Variants in CDK14 observed in about 807,000 individuals in gnomAD.
CDK14 encodes the protein cyclin-dependent kinase 14.
Under a neutral mutation model 60.7 loss-of-function variants are expected in CDK14, and 34 were observed. The ratio of observed to expected loss-of-function variants is 0.56; its 90% CI spans 0.43 to 0.75. The LOEUF is 0.75. Among genes scored for constraint, CDK14 ranks in the 30% least tolerant of loss-of-function variants. The pLI is 0.00. For missense variants in CDK14, 482 were observed against 564.1 expected (o/e 0.85, Z 1.47); for synonymous variants, 197 against 203.7 (o/e 0.97, Z 0.28).
intron 7 of CDK14, among the ~76,000 whole-genome samples, chr7:90,914,070 T>TAAA (rs1204060113): frequency 6.6e-6 from 1 of 152,178 alleles, no homozygotes; most frequent in Non-Finnish European, 1.5e-5. Context: ...TTGGTAGGTT[T>TAAA]ACAGCTTCAT....
At chr7:90,986,609 A>C (rs1357209992) in intron 10 of CDK14, among the ~76,000 whole-genome samples, 2 of 151,994 alleles carry the variant, frequency 1.3e-5, no homozygotes, top group Non-Finnish European at 2.9e-5. Flanking sequence ...ATTTTAAATA[A>C]CTTTTTCACA....
At chr7:90,718,289 A>C (rs1014442945) in intron 2 of CDK14, among the ~76,000 whole-genome samples, 1 of 152,122 alleles carries the variant, frequency 6.6e-6, no homozygotes, top group Admixed American at 6.6e-5. Flanking sequence ...AAGTGTATAC[A>C]TGGTATGTAC....
At chr7:90,808,106 T>C (rs1027049796) in intron 5 of CDK14, among the ~76,000 whole-genome samples, 1 of 152,012 alleles carries the variant, frequency 6.6e-6, no homozygotes, top group African/African-American at 2.4e-5. Context: ...ATTCAGGAAA[T>C]ACAGACAACA....
intron 6 of CDK14, among the ~76,000 whole-genome samples, chr7:90,896,278 T>C (rs1457859791): frequency 3.3e-5 from 5 of 152,140 alleles, no homozygotes; most frequent in African/African-American, 1.2e-4. Context: ...TTTTAACTTT[T>C]TGTACATTTT....
At chr7:91,036,731 A>G (rs1474988567) in intron 10 of CDK14, among the ~76,000 whole-genome samples, 1 of 152,204 alleles carries the variant, frequency 6.6e-6, no homozygotes, top group Non-Finnish European at 1.5e-5. Flanking sequence ...TATAATAAAT[A>G]TAACATATAT....
At chr7:90,849,979 T>C (rs1334806324) in intron 5 of CDK14, among the ~76,000 whole-genome samples, 2 of 152,068 alleles carry the variant, frequency 1.3e-5, no homozygotes, top group Admixed American at 6.6e-5. Context: ...TTACCATCTT[T>C]CCATAATCTG....
intron 5 of CDK14, among the ~76,000 whole-genome samples, chr7:90,859,976 A>AAAAACC (rs1206873977): frequency 1.3e-5 from 2 of 152,238 alleles, no homozygotes; most frequent in Non-Finnish European, 2.9e-5. Context: ...GTTCTTAACA[A>AAAAACC]AAAACCAAAA....
At chr7:90,659,284 A>T (rs1385840644) in intron 2 of CDK14, among the ~76,000 whole-genome samples, 1 of 152,184 alleles carries the variant, frequency 6.6e-6, no homozygotes, top group African/African-American at 2.4e-5. Context: ...TAAAGATATC[A>T]GGGGGAAAAT....
chr7:90,991,218 G>A (rs183193147), intron 10 of CDK14, among the ~76,000 whole-genome samples: 7 of 152,210 alleles, frequency 4.6e-5, no homozygotes, highest in African/African-American at 9.6e-5. Context: ...TGATAGCGGC[G>A]GTGACCTCAG....
chr7:91,063,800 G>T (rs1263269829), intron 11 of CDK14, among the ~76,000 whole-genome samples: 2 of 152,116 alleles, frequency 1.3e-5, no homozygotes, highest in African/African-American at 2.4e-5. Context: ...TATACCATAT[G>T]TCTCCTTCTG....
At chr7:91,176,743 C>A (rs1256175157) in intron 14 of CDK14, among the ~76,000 whole-genome samples, 1 of 151,222 alleles carries the variant, frequency 6.6e-6, no homozygotes, top group Non-Finnish European at 1.5e-5. Context: ...CATACACTCT[C>A]CCAAGACTAA....
At chr7:91,170,280 A>G (rs904588417) in intron 14 of CDK14, among the ~76,000 whole-genome samples, 3 of 152,168 alleles carry the variant, frequency 2.0e-5, no homozygotes, top group Admixed American at 6.5e-5. Context: ...TCCACAAGAT[A>G]CTGGATTTTG....
intron 5 of CDK14, among the ~76,000 whole-genome samples, chr7:90,791,109 G>C (rs1202234420): frequency 6.6e-6 from 1 of 152,054 alleles, no homozygotes; most frequent in Admixed American, 6.5e-5. Flanking sequence ...ATTGGAAGAA[G>C]ATAACATAGA....
intron 6 of CDK14, among the ~76,000 whole-genome samples, chr7:90,881,815 C>T (rs988637489): frequency 2.0e-5 from 3 of 152,092 alleles, no homozygotes; most frequent in Non-Finnish European, 2.9e-5. Flanking sequence ...TTCCAGCCCA[C>T]AATTTCATAT....
intron 12 of CDK14, among the ~76,000 whole-genome samples, chr7:91,097,443 T>A (rs1799026351): frequency 6.6e-6 from 1 of 152,122 alleles, no homozygotes; most frequent in Non-Finnish European, 1.5e-5. Flanking sequence ...ACTAAATTTA[T>A]AAATTTTCTT....
intron 6 of CDK14, among the ~76,000 whole-genome samples, chr7:90,866,129 T>C (rs1175081736): frequency 2.6e-5 from 4 of 152,014 alleles, no homozygotes; most frequent in Non-Finnish European, 5.9e-5. Flanking sequence ...AAACTCTTAT[T>C]TCAATTACAA....
At chr7:90,875,284 G>A (rs1161959449) in intron 6 of CDK14, among the ~76,000 whole-genome samples, 11 of 151,932 alleles carry the variant, frequency 7.2e-5, no homozygotes, top group East Asian at 1.9e-4. Context: ...GTTTCTTTTC[G>A]CCTTTTGGCT....
chr7:91,142,007 A>G lies in CDK14; in HGVS notation c.*28+23799A>G, dbSNP rs190136471. ...CGCCCGGCTAAATTTTTGTATTTTT[A>G]GTAGAGACGGGGTTTCACCATGTTA... On this transcript the variant is annotated intron_variant, in intron 14 of 14. Transcript: ENST00000380050. 8.5e-5 allele frequency among the ~76,000 whole-genome samples: 13 copies of G among 152,094 alleles called. No individual in the cohort carries two copies. The East Asian group carries it at 2.5e-3, about 29-fold the overall frequency.
intron 5 of CDK14, among the ~76,000 whole-genome samples, chr7:90,798,507 C>A (rs1349194336): frequency 6.6e-6 from 1 of 152,154 alleles, no homozygotes; most frequent in African/African-American, 2.4e-5. Context: ...TGAGATAGAA[C>A]ACCTGAATTT....
Sources: allele counts gnomAD v4.1 joint callset (sites outside exome capture counted in the v4.1 genomes callset), GRCh38; gene constraint gnomAD v4.1.1; transcripts MANE v1.5; gene names NCBI Gene and HGNC (gene_info 2026-07-23, HGNC 2026-07-21).